Variants in DCDC2 observed in about 807,000 individuals in gnomAD.
The protein encoded by DCDC2 is doublecortin domain containing 2.
Under a neutral mutation model 50.2 loss-of-function variants are expected in DCDC2, and 40 were observed. The observed-to-expected ratio is 0.80, with a 90% CI of 0.62 to 1.04. The LOEUF (loss-of-function observed/expected upper bound fraction) is 1.04, where lower values mean the gene tolerates loss of function less well. Ranked by LOEUF, DCDC2 falls within the 50% of genes least tolerant of loss-of-function variation. DCDC2 has a pLI of 0.00. For missense variants in DCDC2, 570 were observed against 581.9 expected (o/e 0.98, Z 0.21); for synonymous variants, 234 against 210.6 (o/e 1.11, Z -0.96).
chr6:24,187,385 C>T (rs1015550823), intron 8 of DCDC2, among the ~76,000 whole-genome samples: 1 of 152,148 alleles, frequency 6.6e-6, no homozygotes, highest in South Asian at 2.1e-4. Flanking sequence ...CTTCCTTCCC[C>T]ATGGGTAGAA....
chr6:24,309,583 C>T (rs1264460759), intron 2 of DCDC2, among the ~76,000 whole-genome samples: 8 of 151,680 alleles, frequency 5.3e-5, no homozygotes, highest in Middle Eastern at 6.8e-3. Context: ...GCTAAAAAGC[C>T]AATAGAGAGA....
chr6:24,297,698 A>G (rs1759282503), intron 4 of DCDC2, among the ~76,000 whole-genome samples: 2 of 151,940 alleles, frequency 1.3e-5, no homozygotes, highest in Non-Finnish European at 2.9e-5. Flanking sequence ...TGTCAAAATT[A>G]TATATGTAAA....
chr6:24,211,856 A>G (rs575543630), intron 7 of DCDC2, among the ~76,000 whole-genome samples: 1 of 152,294 alleles, frequency 6.6e-6, no homozygotes, highest in South Asian at 2.1e-4. Flanking sequence ...GTTTTAAGGC[A>G]CCATGTTTGC....
In DCDC2 at chr6:24,353,577, T is replaced by G. The variant is rs770374944; in HGVS notation, c.340A>C (p.Asn114His). 8.2e-6 allele frequency: 13 copies of G among 1,582,308 alleles called. No homozygotes were observed. In the South Asian group the frequency reaches 1.5e-4, roughly 18 times the overall value. ...AATAATATTTGCATTACCTCTGTAT[T>G]AACAACTTCCATTGGTCTTTTCTTG... ...EIKKRPMEVV[N>H]TEVKPVIHSR... Residue 114 changes from asparagine (N) to histidine (H), a missense_variant, in exon 2 of 10, where the codon AAT becomes CAT. Coordinates refer to ENST00000378454, the MANE Select transcript of DCDC2 (RefSeq NM_016356.5).
chr6:24,371,452 G>GA, the DCDC2 span, among the ~76,000 whole-genome samples: 1 of 151,660 alleles, frequency 6.6e-6, no homozygotes, highest in East Asian at 1.9e-4. Context: ...AAAAAATACA[G>GA]AAAAAATTAG....
intron 7 of DCDC2, among the ~76,000 whole-genome samples, chr6:24,254,558 T>A (rs115295407): frequency 6.6e-6 from 1 of 152,148 alleles, no homozygotes; most frequent in African/African-American, 2.4e-5. Flanking sequence ...AACCAAAAGA[T>A]TGTTATGTAG....
chr6:24,316,430 T>C (rs1408488297), intron 2 of DCDC2, among the ~76,000 whole-genome samples: 2 of 152,014 alleles, frequency 1.3e-5, no homozygotes, highest in African/African-American at 4.8e-5. Flanking sequence ...TTTCAGAAGC[T>C]AAGAGAGAAG....
At chr6:24,344,746 A>C (rs957978578) in intron 2 of DCDC2, among the ~76,000 whole-genome samples, 1 of 152,220 alleles carries the variant, frequency 6.6e-6, no homozygotes, top group Non-Finnish European at 1.5e-5. Flanking sequence ...CAATGCTGAC[A>C]AAAGGGTAAA....
rs141179322 is a variant in DCDC2 at position 24,215,669 on chromosome 6, T to C, written c.923-10567A>G. On this transcript the variant is annotated intron_variant, in intron 7 of 9. Coordinates refer to ENST00000378454, the MANE Select transcript of DCDC2 (RefSeq NM_016356.5). ...TAAAATTGGAGATCAGTGAGGCTGGTAGCCAGGAGATTTCAAAGCAATGAA... is the reference window on the plus strand; with the variant it reads ...TAAAATTGGAGATCAGTGAGGCTGGCAGCCAGGAGATTTCAAAGCAATGAA... Among the ~76,000 whole-genome samples, 512 of 152,288 alleles carry C rather than the reference T, an allele frequency of 3.4e-3. 6 individuals carry two copies. Among genetic ancestry groups the C allele is most frequent in the African/African-American group, 0.012 (491 of 41,564 alleles).
At chr6:24,224,752 T>A (rs79305989) in intron 7 of DCDC2, among the ~76,000 whole-genome samples, 4,034 of 152,234 alleles carry the variant, frequency 0.026, 89 homozygotes, top group African/African-American at 0.059. Flanking sequence ...AGCTACCAGC[T>A]CCCTCTTCTG....
intron 7 of DCDC2, among the ~76,000 whole-genome samples, chr6:24,229,920 C>T (rs907434588): frequency 2.6e-5 from 4 of 152,082 alleles, no homozygotes; most frequent in Non-Finnish European, 4.4e-5. Flanking sequence ...CTTTGAGAGA[C>T]CCATGGTTTG....
intron 7 of DCDC2, among the ~76,000 whole-genome samples, chr6:24,226,915 G>C (rs1018161786): frequency 3.3e-5 from 5 of 152,178 alleles, no homozygotes; most frequent in African/African-American, 1.2e-4. Context: ...TGAAAATCCT[G>C]TGACATCAGT....
At chr6:24,295,467 G>A (rs1014480103) in intron 4 of DCDC2, among the ~76,000 whole-genome samples, 9 of 152,210 alleles carry the variant, frequency 5.9e-5, no homozygotes, top group African/African-American at 1.9e-4. Context: ...GCCCTTCCTA[G>A]GGCAGTCATC....
chr6:24,351,124 G>A (rs1472469025), intron 2 of DCDC2, among the ~76,000 whole-genome samples: 1 of 152,206 alleles, frequency 6.6e-6, no homozygotes, highest in East Asian at 1.9e-4. Flanking sequence ...GAGTCAAAGT[G>A]ATATTTCCAG....
rs1760818963 is a variant in DCDC2, at chr6:24,173,022, A to AATAATAATAATAAT, written c.*1707_*1708insATTATTATTATTAT. The AATAATAATAATAAT allele has an allele frequency of 5.1e-5, 6 of 116,712 alleles. 1 individual carries two copies. The highest frequency in any genetic ancestry group is 3.6e-4 in the Admixed American group (4 of 11,058). The allele number at this position is 116,712 out of a possible 1,614,324, so 7.2% of individuals were successfully genotyped here. Reference sequence around the variant, plus strand: ...ATAATAATAATAATAATAATAATAAAGATCAATTGGTCTATTTGCCTACCA... The same window carrying AATAATAATAATAAT: ...ATAATAATAATAATAATAATAATAAAATAATAATAATAATGATCAATTGGTCTATTTGCCTACCA... On this transcript the variant is annotated 3_prime_UTR_variant, in exon 10 of 10. Transcript: ENST00000378454.
chr6:24,376,799 T>C, the DCDC2 span, among the ~76,000 whole-genome samples: 1 of 98,162 alleles, frequency 1.0e-5, no homozygotes, highest in East Asian at 3.3e-4. Flanking sequence ...ATTTTAAATA[T>C]CAATGTTGTT....
intron 2 of DCDC2, among the ~76,000 whole-genome samples, chr6:24,305,497 T>C (rs707863): frequency 0.77 from 117,203 of 152,116 alleles, 47,755 homozygotes; most frequent in East Asian, 0.99. Flanking sequence ...AGTTTTTATA[T>C]AAAATGCATT....
chr6:24,251,972 T>C (rs923283177), intron 7 of DCDC2, among the ~76,000 whole-genome samples: 12 of 152,206 alleles, frequency 7.9e-5, no homozygotes, highest in Admixed American at 1.3e-4. Flanking sequence ...CTAAATGTAA[T>C]AGCTTGGCAT....
At chr6:24,269,972 T>C (rs1464905850) in intron 7 of DCDC2, among the ~76,000 whole-genome samples, 3 of 151,322 alleles carry the variant, frequency 2.0e-5, no homozygotes, top group African/African-American at 7.3e-5. Context: ...CATCCCCATT[T>C]AAAAAGTTAA....
Sources: allele counts gnomAD v4.1 joint callset (sites outside exome capture counted in the v4.1 genomes callset), GRCh38; gene constraint gnomAD v4.1.1; transcripts MANE v1.5; gene names NCBI Gene and HGNC (gene_info 2026-07-23, HGNC 2026-07-21).